Variants in ODF2 observed in about 807,000 individuals in gnomAD.
ODF2 encodes the protein outer dense fiber protein 2.
Under a neutral mutation model 110.2 loss-of-function variants are expected in ODF2, and 47 were observed. The observed-to-expected ratio is 0.43, with a 90% CI of 0.34 to 0.54. The LOEUF (loss-of-function observed/expected upper bound fraction) is 0.54, where lower values mean the gene tolerates loss of function less well. Among genes scored for constraint, ODF2 ranks in the 20% least tolerant of loss-of-function variants. The probability of loss-of-function intolerance (pLI) is 0.03; values close to 1 mark genes in which losing one functional copy is unlikely to be tolerated. For synonymous variants in ODF2, 352 were observed against 397.7 expected (o/e 0.89, Z 1.37); for missense variants, 812 against 1,054.5 (o/e 0.77, Z 3.19).
In ODF2 at chr9:128,494,737, A is replaced by G. The variant is rs1464040339; in HGVS notation, c.1911+69A>G. 6.2e-7 allele frequency: 1 copy of G among 1,613,856 alleles called. No individual in the cohort carries two copies. The highest frequency in any genetic ancestry group is 1.7e-4 in the Middle Eastern group (1 of 5,874). On this transcript the variant is annotated intron_variant, in intron 17 of 20. Transcript: ENST00000604420. This position sits in a 1 kb window ranked among gnomAD's most constrained non-coding sequence, Gnocchi z 4.6. ...GGGCCCGCATACCAAGATGAGCTGCACGCCCCCCAAGGGAGGACTACTTCC... is the reference window on the plus strand; with the variant it reads ...GGGCCCGCATACCAAGATGAGCTGCGCGCCCCCCAAGGGAGGACTACTTCC...
Position 128,476,701 on chromosome 9 carries a change from G to C in ODF2, c.843+2960G>C, listed in dbSNP as rs1046678641. Among the ~76,000 whole-genome samples the C allele has an allele frequency of 2.0e-5, 3 of 148,574 alleles. No homozygotes were observed. The South Asian group carries it at 6.5e-4, about 32-fold the overall frequency. ...CGCCCAGGCTAGAGTGCAGTGGCAC[G>C]ATATCGGCTCACTGCAACTTCTGGC... On this transcript the variant is annotated intron_variant, in intron 8 of 20. Coordinates refer to ENST00000604420, the Ensembl canonical transcript of ODF2.
chr9:128,480,739 C>G (rs1398854081), intron 8 of ODF2, among the ~76,000 whole-genome samples: 2 of 152,102 alleles, frequency 1.3e-5, no homozygotes, highest in African/African-American at 4.8e-5. Flanking sequence ...ATCGCTTGAA[C>G]CTGGGAGGCA....
In ODF2 at chr9:128,472,900, T is replaced by G; in HGVS notation, c.582-13T>G. 1 of 1,613,750 alleles carries G rather than the reference T, an allele frequency of 6.2e-7. No homozygotes were observed. The highest frequency in any genetic ancestry group is 1.3e-5 in the African/African-American group (1 of 75,050). On this transcript the variant is annotated splice_polypyrimidine_tract_variant and intron_variant, in intron 6 of 20. Coordinates refer to ENST00000604420, the Ensembl canonical transcript of ODF2. ...GCCTGGGAGGGCTCACAGAGCCGTC[T>G]TTCTGGCCCCAGACTTCAGAAGAAA...
intron 4 of ODF2, among the ~76,000 whole-genome samples, chr9:128,461,811 A>G (rs893277444): frequency 6.6e-6 from 1 of 152,224 alleles, no homozygotes; most frequent in African/African-American, 2.4e-5. Context: ...AACTCCTTGA[A>G]GTTTATAGTC....
chr9:128,469,991 A>C (rs1588802525), intron 5 of ODF2, among the ~76,000 whole-genome samples: 1 of 32,792 alleles, frequency 3.0e-5, no homozygotes, highest in African/African-American at 1.5e-4. Flanking sequence ...CTCAAAAAAA[A>C]AAAAAAAAAA....
rs548055986 is a variant in ODF2 at position 128,467,312 on chromosome 9, C to T, written c.250-1871C>T. Among the ~76,000 whole-genome samples the T allele has an allele frequency of 5.9e-5, 9 of 151,658 alleles. No homozygotes were observed. The South Asian group carries it at 1.0e-3, about 18-fold the overall frequency. On this transcript the variant is annotated intron_variant, in intron 4 of 20. Transcript: ENST00000604420. ...AAACATAGTAAATATAGAAAAGGTA[C>T]GGTAAAAATACGGTGTTTTGGGACC...
chr9:128,496,326 C>T, intron 18 of ODF2, 185 bp downstream of exon 18: 1 of 1,462,242 alleles, frequency 6.8e-7, no homozygotes, highest in Middle Eastern at 2.2e-4. Flanking sequence ...AGCAAGGGGG[C>T]CTCTCAGCCT....
rs781096609 is a variant in ODF2 at position 128,456,210 on chromosome 9, A to T, written c.-254A>T. 25 of 1,547,698 alleles carry T rather than the reference A, an allele frequency of 1.6e-5. 1 individual carries two copies. The South Asian group carries it at 3.0e-4, about 19-fold the overall frequency. ...GGCACGACCCTGGCCTCCGACTTCA[A>T]CGACTTCATAAGGCGGCGTTTCTGG... is the stretch of plus-strand genomic sequence containing the variant. On this transcript the variant is annotated 5_prime_UTR_variant, in exon 1 of 21. Coordinates refer to ENST00000604420, the Ensembl canonical transcript of ODF2.
At chr9:128,490,468 A>C (rs1306840644) in intron 14 of ODF2, among the ~76,000 whole-genome samples, 1 of 151,966 alleles carries the variant, frequency 6.6e-6, no homozygotes. Flanking sequence ...ATTTTTAGTA[A>C]GAGACAGGGT....
chr9:128,493,756 T>C (rs1845086494), intron 16 of ODF2, among the ~76,000 whole-genome samples: 1 of 152,222 alleles, frequency 6.6e-6, no homozygotes, highest in Admixed American at 6.5e-5. Context: ...TGTAGCATTG[T>C]GACTGCTTTC....
chr9:128,463,166 G>A (rs1231798133), intron 4 of ODF2, among the ~76,000 whole-genome samples: 1 of 152,204 alleles, frequency 6.6e-6, no homozygotes, highest in Non-Finnish European at 1.5e-5. Context: ...GAAGGCTGAG[G>A]TGGGAGGATC....
In ODF2 at chr9:128,498,417, CTG is replaced by C. The variant is rs1170470967; in HGVS notation, c.2018_2019del (p.Leu673ArgfsTer47). On this transcript the variant is annotated frameshift_variant, in exon 19 of 21. Transcript: ENST00000604420. LOFTEE classifies it high-confidence loss of function. ...TGATTGAGTGCTTTCACCTAGGAAA[CTG>C]GAGGCGACCAGTGCCCAGAATATCG... is the stretch of plus-strand genomic sequence containing the variant. 6.3e-7 allele frequency: 1 copy of C among 1,588,104 alleles called. No individual in the cohort carries two copies. The highest frequency in any genetic ancestry group is 1.8e-5 in the Admixed American group (1 of 56,556).
Position 128,494,612 on chromosome 9 carries a change from G to T in ODF2, c.1855G>T (p.Gly619Cys), listed in dbSNP as rs1482478831. ...GGCTGAGTGCCAAGACCAACTGCAG[G>T]GCTATGAGCGGAAGAACATCGACCT... Residue 619 changes from glycine (G) to cysteine (C), a missense_variant, in exon 17 of 21, where the codon GGC (glycine) becomes TGC (cysteine). Gly to Cys is a radical substitution (Grantham distance 159, BLOSUM62 -3). Transcript: ENST00000604420. The surrounding 1 kb of genome is among the most constrained non-coding windows in gnomAD (Gnocchi z 4.6). 1 of 1,614,148 alleles carries T rather than the reference G, an allele frequency of 6.2e-7. No homozygotes were observed. The highest frequency in any genetic ancestry group is 2.2e-5 in the East Asian group (1 of 44,880).
chr9:128,455,538 A>G (rs1427821852), upstream of ODF2, among the ~76,000 whole-genome samples: 1 of 138,066 alleles, frequency 7.2e-6, no homozygotes, highest in Non-Finnish European at 1.5e-5. Context: ...TGGGCAACAG[A>G]GCAAGAATCT....
chr9:128,472,854 T>C, intron 6 of ODF2, 59 bp from the exon 7 acceptor site: 3 of 1,608,400 alleles, frequency 1.9e-6, no homozygotes, highest in Non-Finnish European at 2.5e-6. Flanking sequence ...AGGCAAGCCT[T>C]GGATCTCTGG....
chr9:128,493,142 T>G (rs533600545), intron 16 of ODF2, among the ~76,000 whole-genome samples: 6 of 152,076 alleles, frequency 3.9e-5, no homozygotes, highest in Non-Finnish European at 8.8e-5. Flanking sequence ...CCCAGCACTT[T>G]GGGAGACTGA....
chr9:128,477,320 G>A (rs1346990905), intron 8 of ODF2, among the ~76,000 whole-genome samples: 1 of 151,524 alleles, frequency 6.6e-6, no homozygotes, highest in Non-Finnish European at 1.5e-5. Flanking sequence ...AGGCCGAGGT[G>A]GGAGAATTGC....
At chr9:128,499,498 T>C (rs1239185692) in intron 20 of ODF2, among the ~76,000 whole-genome samples, 2 of 152,208 alleles carry the variant, frequency 1.3e-5, no homozygotes, top group African/African-American at 4.8e-5. Context: ...TTTCGCCATG[T>C]TGGCCAGGCT....
At chr9:128,492,140 T>C (rs538104669) in intron 14 of ODF2, among the ~76,000 whole-genome samples, 3 of 152,102 alleles carry the variant, frequency 2.0e-5, no homozygotes, top group Admixed American at 6.5e-5. Flanking sequence ...GCTGGGATTA[T>C]AGGCGTGAGC....
Sources: gnomAD v4.1 joint callset for allele counts (sites outside exome capture counted in the v4.1 genomes callset) on GRCh38, gnomAD v4.1.1 for gene constraint, Gnocchi (gnomAD v3.1) non-coding constraint, MANE v1.5 for transcripts, NCBI Gene and HGNC (gene_info 2026-07-23, HGNC 2026-07-21) for gene names.